Variants in NRXN3 observed in about 807,000 individuals in gnomAD.
NRXN3 encodes neurexin 3, also known as neurexin III.
NRXN3 carries 32 observed loss-of-function variants against 137.6 expected under a neutral mutation model. The observed-to-expected ratio is 0.23, with a 90% confidence interval of 0.18 to 0.31. The LOEUF (loss-of-function observed/expected upper bound fraction) is 0.31, where lower values mean the gene tolerates loss of function less well. NRXN3 is among the 10% of genes least tolerant of loss of function. NRXN3 has a pLI of 1.00. For synonymous variants in NRXN3, 798 were observed against 784.5 expected, an observed-to-expected ratio of 1.02 and a Z score of -0.29; for missense variants, 1,574 against 2,062.5, an observed-to-expected ratio of 0.76 and a Z score of 4.59.
intron 15 of NRXN3, among the ~76,000 whole-genome samples, chr14:79,362,003 ATT>A: frequency 7.2e-6 from 1 of 138,474 alleles, no homozygotes; most frequent in Admixed American, 7.1e-5. Context: ...TATAATTATT[ATT>A]ATTATTATTA....
rs115483996 is a variant in NRXN3 at position 78,470,771 on chromosome 14, T to G, written c.757+172911T>G. Among the ~76,000 whole-genome samples, 609 of 152,322 alleles carry G rather than the reference T, an allele frequency of 4.0e-3. 3 individuals carry two copies. Among genetic ancestry groups the G allele is most frequent in the African/African-American group, 0.013 (554 of 41,574 alleles). ...CTATGACAATGTTTAGTATCACGCT[T>G]TTTTACATTTTGAAGCACTTTACAG... On this transcript the variant is annotated intron_variant, in intron 4 of 20. Coordinates refer to ENST00000335750, the MANE Select transcript of NRXN3 (RefSeq NM_001330195.2).
chr14:78,970,160 A>G (rs1317700996), intron 14 of NRXN3, among the ~76,000 whole-genome samples: 1 of 152,182 alleles, frequency 6.6e-6, no homozygotes, highest in African/African-American at 2.4e-5. Flanking sequence ...CAGAATTTTT[A>G]TTATGCCATC....
intron 15 of NRXN3, chr14:79,074,399 T>C (rs1287621126): frequency 6.6e-6 from 1 of 152,202 alleles, no homozygotes; most frequent in Non-Finnish European, 1.5e-5. Context: ...AGGGGAAATA[T>C]GCTAGTAAAA....
intron 16 of NRXN3, among the ~76,000 whole-genome samples, chr14:79,545,264 A>C (rs979626161): frequency 2.0e-5 from 3 of 152,214 alleles, no homozygotes; most frequent in African/African-American, 7.2e-5. Flanking sequence ...AAGGTGTCAG[A>C]ATTAGAGCAA....
At chr14:79,508,390 ATTTTTTTTT>A (rs528502246) in intron 16 of NRXN3, among the ~76,000 whole-genome samples, 1 of 48,240 alleles carries the variant, frequency 2.1e-5, no homozygotes, top group African/African-American at 7.3e-5. Context: ...ACAATAACTG[ATTTTTTTTT>A]TTTTTTTAAG....
At chr14:78,777,881 G>A (rs2098749721) in intron 8 of NRXN3, among the ~76,000 whole-genome samples, 2 of 152,124 alleles carry the variant, frequency 1.3e-5, no homozygotes, top group African/African-American at 4.8e-5. Flanking sequence ...TCTCACCTTA[G>A]CATCCCAAGT....
intron 4 of NRXN3, among the ~76,000 whole-genome samples, chr14:78,622,827 A>C (rs1046567956): frequency 6.6e-6 from 1 of 152,228 alleles, no homozygotes; most frequent in Admixed American, 6.5e-5. Context: ...AACTTTGCAA[A>C]GCAGAAGCTT....
intron 2 of NRXN3, among the ~76,000 whole-genome samples, chr14:78,250,389 T>C (rs185854820): frequency 6.6e-6 from 1 of 152,326 alleles, no homozygotes; most frequent in East Asian, 1.9e-4. Flanking sequence ...GCACATCAAT[T>C]TGGTTTCACA....
chr14:79,341,391 C>T (rs1241097926), intron 15 of NRXN3, among the ~76,000 whole-genome samples: 1 of 152,120 alleles, frequency 6.6e-6, no homozygotes, highest in East Asian at 1.9e-4. Flanking sequence ...CCTATAAGCA[C>T]TTGCCACTCA....
chr14:78,345,902 G>C (rs1567320382), intron 4 of NRXN3, among the ~76,000 whole-genome samples: 2 of 152,174 alleles, frequency 1.3e-5, no homozygotes, highest in African/African-American at 4.8e-5. Context: ...GGTCCCTGGG[G>C]ACAGGCCCTG....
At chr14:78,796,640 G>A (rs2098822791) in intron 8 of NRXN3, among the ~76,000 whole-genome samples, 2 of 152,178 alleles carry the variant, frequency 1.3e-5, no homozygotes, top group South Asian at 4.1e-4. Context: ...TTATCCCTGA[G>A]GGTATGGAAA....
chr14:78,987,292 C>T (rs566051315), intron 14 of NRXN3, among the ~76,000 whole-genome samples: 1 of 152,238 alleles, frequency 6.6e-6, no homozygotes, highest in East Asian at 1.9e-4. Flanking sequence ...TTTAGAGTTA[C>T]TTTACCTAAG....
At chr14:78,834,401 G>A (rs1427986709) in intron 10 of NRXN3, among the ~76,000 whole-genome samples, 1 of 152,050 alleles carries the variant, frequency 6.6e-6, no homozygotes, top group Non-Finnish European at 1.5e-5. Flanking sequence ...TATTTTACTT[G>A]ACTACTAGTA....
At chr14:79,493,945 ATCTC>A (rs929239211) in intron 16 of NRXN3, among the ~76,000 whole-genome samples, 16 of 152,262 alleles carry the variant, frequency 1.1e-4, no homozygotes, top group Non-Finnish European at 1.6e-4. Context: ...ACTTCTCCAG[ATCTC>A]TCTGTCAGAC....
intron 6 of NRXN3, among the ~76,000 whole-genome samples, chr14:78,689,447 AC>A: frequency 6.6e-6 from 1 of 152,296 alleles, no homozygotes; most frequent in East Asian, 1.9e-4. Flanking sequence ...TTAAATGCTT[AC>A]TTTAAACATG....
chr14:79,122,192 T>A (rs768479654), intron 15 of NRXN3, among the ~76,000 whole-genome samples: 4 of 152,240 alleles, frequency 2.6e-5, no homozygotes, highest in Non-Finnish European at 4.4e-5. Context: ...TCTGTGGTTG[T>A]TAACGTGAAG....
Position 78,968,243 on chromosome 14 carries a change from T to C in NRXN3, c.3039T>C (p.Asp1013=). The change falls in exon 14 of 21, where the codon GAT becomes GAC. Residue 1013 remains aspartate, a synonymous_variant. Transcript: ENST00000335750. The part of the protein sequence containing the change: ...SNLPKLVASR[D]GFQGCLASVD... Reference sequence around the variant, plus strand: ...TCCCAAAGCTCGTGGCCTCTCGAGATGGCTTTCAGGGCTGTCTAGCATCAG... The same window carrying C: ...TCCCAAAGCTCGTGGCCTCTCGAGACGGCTTTCAGGGCTGTCTAGCATCAG... The C allele has an allele frequency of 1.2e-6, 2 of 1,614,064 alleles. No homozygotes were observed. Among genetic ancestry groups the C allele is most frequent in the Non-Finnish European group, 1.7e-6 (2 of 1,179,974 alleles).
chr14:79,448,271 A>G (rs2096099881), intron 15 of NRXN3, among the ~76,000 whole-genome samples: 1 of 152,054 alleles, frequency 6.6e-6, no homozygotes, highest in Non-Finnish European at 1.5e-5. Context: ...TCAGATTACT[A>G]TTGCTGTCCC....
chr14:78,216,992 C>T (rs1437197122), intron 1 of NRXN3, among the ~76,000 whole-genome samples: 1 of 152,166 alleles, frequency 6.6e-6, no homozygotes, highest in Non-Finnish European at 1.5e-5. Context: ...CCAGTATGAC[C>T]TCATCTTGAC....
Sources: allele counts gnomAD v4.1 joint callset (sites outside exome capture counted in the v4.1 genomes callset), GRCh38; gene constraint gnomAD v4.1.1; transcripts MANE v1.5; gene names NCBI Gene and HGNC (gene_info 2026-07-23, HGNC 2026-07-21).